EPHA3: variants seen among roughly 807,000 people sequenced by gnomAD.
EPHA3 encodes EPH receptor A3.
EPHA3 carries 42 observed loss-of-function variants against 107.1 expected under a neutral mutation model. The observed-to-expected ratio is 0.39, with a 90% CI of 0.31 to 0.51. EPHA3 has a LOEUF of 0.51. EPHA3 is among the 20% of genes least tolerant of loss of function. The pLI is 0.78. For synonymous variants in EPHA3, 461 were observed against 424.8 expected (o/e 1.09, Z -1.05); for missense variants, 1,183 against 1,211.2 (o/e 0.98, Z 0.35).
At chr3:89,154,871 C>CAT (rs916343337) in intron 2 of EPHA3, among the ~76,000 whole-genome samples, 5 of 147,694 alleles carry the variant, frequency 3.4e-5, no homozygotes, top group African/African-American at 7.4e-5. Context: ...CATCTAAGAA[C>CAT]ATATATATAT....
In EPHA3 at chr3:89,378,957, T is replaced by A. The variant is rs574538106; in HGVS notation, c.1307-16880T>A. Among the ~76,000 whole-genome samples, 12 of 152,314 alleles carry A rather than the reference T, an allele frequency of 7.9e-5. No homozygotes were observed. In the South Asian group the frequency reaches 2.5e-3, roughly 32 times the overall value. On this transcript the variant is annotated intron_variant, in intron 5 of 16. Transcript: ENST00000336596. The stretch of plus-strand genomic sequence containing the variant: ...TATTGATGCAATTTACTTATTTGGA[T>A]GGACTTAAGAAATAGAATCGCTCCA...
At position 89,107,773 on chromosome 3, in the gene EPHA3, C is replaced by A. The variant is rs1707006339; in HGVS notation, c.25C>A (p.Leu9Ile). MDCQLSIL[L>I]LLSCSVLDSF... ...CATGGATTGTCAGCTCTCCATCCTC[C>A]TCCTTCTCAGCTGCTCTGTTCTCGA... The change falls in exon 1 of 17, where the codon CTC becomes ATC. Residue 9 changes from leucine (L) to isoleucine (I), a missense_variant. Transcript: ENST00000336596. 6.2e-7 allele frequency: 1 copy of A among 1,614,200 alleles called. No individual in the cohort carries two copies. Among genetic ancestry groups the A allele is most frequent in the Non-Finnish European group, 8.5e-7 (1 of 1,180,022 alleles).
intron 2 of EPHA3, among the ~76,000 whole-genome samples, chr3:89,134,269 C>A (rs1205881063): frequency 6.6e-6 from 1 of 151,458 alleles, no homozygotes; most frequent in Non-Finnish European, 1.5e-5. Flanking sequence ...GCACAACGTG[C>A]AGGTTTGTTA....
chr3:89,236,804 C>A (rs181575712), intron 3 of EPHA3, among the ~76,000 whole-genome samples: 109 of 152,150 alleles, frequency 7.2e-4, no homozygotes, highest in Non-Finnish European at 1.5e-3. Context: ...AAGAAAGCTA[C>A]ATTTTTTTAT....
chr3:89,296,704 T>C (rs1706362231), intron 3 of EPHA3, among the ~76,000 whole-genome samples: 1 of 152,206 alleles, frequency 6.6e-6, no homozygotes, highest in African/African-American at 2.4e-5. Context: ...GGAGTCAGCC[T>C]GCCCTTTGAA....
intron 3 of EPHA3, among the ~76,000 whole-genome samples, chr3:89,246,573 C>A (rs1175306348): frequency 6.6e-6 from 1 of 152,058 alleles, no homozygotes; most frequent in Non-Finnish European, 1.5e-5. Context: ...TTGCAAGGGA[C>A]ACAATGAAGT....
intron 3 of EPHA3, among the ~76,000 whole-genome samples, chr3:89,331,845 A>G (rs1489919038): frequency 6.6e-6 from 1 of 152,128 alleles, no homozygotes; most frequent in Admixed American, 6.6e-5. Flanking sequence ...GTGATTTAGC[A>G]TCTCCAAAAC....
intron 13 of EPHA3, among the ~76,000 whole-genome samples, chr3:89,433,024 G>A (rs1456924265): frequency 6.6e-6 from 1 of 152,072 alleles, no homozygotes; most frequent in African/African-American, 2.4e-5. Flanking sequence ...CATATTATGA[G>A]TGATACTTTG....
chr3:89,283,417 C>T lies in EPHA3; in HGVS notation c.815-57499C>T, dbSNP rs191222263. Among the ~76,000 whole-genome samples the T allele has an allele frequency of 3.1e-3, 472 of 152,090 alleles. 14 individuals are homozygous for T. The highest frequency in any genetic ancestry group is 0.027 in the Admixed American group (416 of 15,258). ...ATAGAAAGTAACAAAATGGAGTAAA[C>T]TACTAATAATATTATAAGGGAAGAA... On this transcript the variant is annotated intron_variant, in intron 3 of 16. Transcript: ENST00000336596.
At chr3:89,475,487 G>T (rs890528410) in intron 16 of EPHA3, among the ~76,000 whole-genome samples, 3 of 152,172 alleles carry the variant, frequency 2.0e-5, no homozygotes, top group African/African-American at 7.2e-5. Flanking sequence ...TCATTGACAT[G>T]CAAGCTACTC....
chr3:89,446,367 C>G (rs1576382612), intron 13 of EPHA3, among the ~76,000 whole-genome samples: 1 of 152,244 alleles, frequency 6.6e-6, no homozygotes, highest in East Asian at 1.9e-4. Flanking sequence ...TCCTTCCAAG[C>G]TTAAGCAGAA....
chr3:89,398,552 C>T (rs887759697), intron 6 of EPHA3, among the ~76,000 whole-genome samples: 10 of 152,010 alleles, frequency 6.6e-5, no homozygotes, highest in Non-Finnish European at 1.0e-4. Flanking sequence ...ACATATAAAA[C>T]CTTGATTTTT....
chr3:89,157,891 G>A (rs1704842456), intron 2 of EPHA3, among the ~76,000 whole-genome samples: 1 of 151,894 alleles, frequency 6.6e-6, no homozygotes, highest in South Asian at 2.1e-4. Context: ...GAAGTCAGGG[G>A]AAAGAGAGAG....
At chr3:89,386,095 G>A (rs1234390672) in intron 5 of EPHA3, among the ~76,000 whole-genome samples, 1 of 152,184 alleles carries the variant, frequency 6.6e-6, no homozygotes, top group Non-Finnish European at 1.5e-5. Context: ...CATTCAAGAG[G>A]AAGCAGAGCA....
intron 2 of EPHA3, among the ~76,000 whole-genome samples, chr3:89,170,255 C>T (rs1379143961): frequency 9.7e-6 from 1 of 103,472 alleles, no homozygotes; most frequent in South Asian, 3.1e-4. Flanking sequence ...GACTCCGTAT[C>T]AGAAAAAAAA....
rs1559688334 is a variant in EPHA3, at chr3:89,417,433, G to A, written c.1889-1772G>A. 2.0e-5 allele frequency among the ~76,000 whole-genome samples: 3 copies of A among 151,550 alleles called. No individual in the cohort carries two copies. In the Admixed American group the frequency reaches 2.0e-4, roughly 10 times the overall value. ...TTATACCATGTTGATGTATGATAAT[G>A]GCAGAACTTTCTGGTTTTCCCAAGC... On this transcript the variant is annotated intron_variant, in intron 10 of 16. Coordinates refer to ENST00000336596, the MANE Select transcript of EPHA3 (RefSeq NM_005233.6).
chr3:89,426,528 G>A (rs562397640), intron 11 of EPHA3, among the ~76,000 whole-genome samples: 1 of 151,740 alleles, frequency 6.6e-6, no homozygotes, highest in East Asian at 1.9e-4. Flanking sequence ...TTAAATGCAC[G>A]CTGATGTGAT....
intron 3 of EPHA3, among the ~76,000 whole-genome samples, chr3:89,241,092 G>A (rs954050226): frequency 6.6e-6 from 1 of 151,614 alleles, no homozygotes; most frequent in African/African-American, 2.4e-5. Context: ...TCACCAGCCT[G>A]TTAATTTGAA....
chr3:89,206,330 C>A (rs1383996673), intron 2 of EPHA3, among the ~76,000 whole-genome samples: 1 of 152,142 alleles, frequency 6.6e-6, no homozygotes, highest in Non-Finnish European at 1.5e-5. Flanking sequence ...AAAACCTCTA[C>A]ACAATATGTT....
Sources: gnomAD v4.1 joint callset for allele counts (sites outside exome capture counted in the v4.1 genomes callset) on GRCh38, gnomAD v4.1.1 for gene constraint, MANE v1.5 for transcripts, NCBI Gene and HGNC (gene_info 2026-07-23, HGNC 2026-07-21) for gene names.